Variants in MTMR1 observed in about 807,000 individuals in gnomAD.
The protein encoded by MTMR1 is myotubularin related protein 1.
A neutral mutation model predicts 51.6 loss-of-function variants in MTMR1; 17 were observed. The ratio of observed to expected loss-of-function variants is 0.33; its 90% CI spans 0.23 to 0.49. The LOEUF is 0.49. Among genes scored for constraint, MTMR1 ranks in the 20% least tolerant of loss-of-function variants. The pLI is 0.99. For synonymous variants in MTMR1, 201 were observed against 205.6 expected, an observed-to-expected ratio of 0.98 and a Z score of 0.19; for missense variants, 386 against 526.9, an observed-to-expected ratio of 0.73 and a Z score of 2.62.
intron 15 of MTMR1, among the ~76,000 whole-genome samples, chrX:150,761,945 A>C (rs1557418037): frequency 8.9e-6 from 1 of 111,972 alleles, no homozygotes; most frequent in African/African-American, 3.2e-5. Flanking sequence ...AAGCTAATTA[A>C]AGGTGAGGCC....
chrX:150,733,654 C>G (rs782687662), intron 10 of MTMR1, among the ~76,000 whole-genome samples: 1 of 111,232 alleles, frequency 9.0e-6, no homozygotes, highest in Non-Finnish European at 1.9e-5. Context: ...AATCCTGAGC[C>G]GGTTACTTAA....
chrX:150,715,320 A>G (rs1403304988), intron 3 of MTMR1, among the ~76,000 whole-genome samples: 1 of 112,331 alleles, frequency 8.9e-6, no homozygotes, highest in African/African-American at 3.2e-5. Context: ...CCTCAGGAAC[A>G]AATTCAGGGA....
chrX:150,755,490 G>A (rs1457656602), intron 14 of MTMR1, among the ~76,000 whole-genome samples, 199 bp from the exon 15 acceptor site: 1 of 111,729 alleles, frequency 9.0e-6, no homozygotes, highest in African/African-American at 3.3e-5. Context: ...TGTTTTTCCA[G>A]GACAGCAAGC....
chrX:150,716,953 T>A (rs782465935), intron 3 of MTMR1, among the ~76,000 whole-genome samples: 2 of 112,176 alleles, frequency 1.8e-5, no homozygotes, highest in African/African-American at 6.5e-5. Flanking sequence ...TGGCCTCCGA[T>A]GTTAACAGGT....
intron 7 of MTMR1, 44 bp downstream of exon 7, chrX:150,730,254 G>T: frequency 1.1e-6 from 1 of 916,161 alleles, no homozygotes; most frequent in Non-Finnish European, 1.5e-6. Context: ...ATTTGTGGGG[G>T]TCCAAATATC....
rs1251807995 is a variant in MTMR1, at chrX:150,765,043, A to ATGAT, written c.*2315_*2318dup. 14 of 110,109 alleles carry ATGAT rather than the reference A, an allele frequency of 1.3e-4. No homozygotes were observed. Among genetic ancestry groups the ATGAT allele is most frequent in the Admixed American group, 1.2e-3 (13 of 10,445 alleles). 9.1% of individuals were successfully genotyped at this position (110,109 alleles called of 1,213,427 possible). On this transcript the variant is annotated 3_prime_UTR_variant, in exon 16 of 16. Coordinates refer to ENST00000445323, the MANE Select transcript of MTMR1 (RefSeq NM_001306144.3). ...ACTGTGCGTCAAGCACAGTTAATAT[A>ATGAT]TGATGATGTAAAGTAACTAACTTTA...
intron 14 of MTMR1, among the ~76,000 whole-genome samples, chrX:150,752,422 T>A (rs1347886994): frequency 2.7e-5 from 3 of 110,953 alleles, no homozygotes; most frequent in Non-Finnish European, 5.7e-5. Flanking sequence ...CTCCCCTGCT[T>A]CCCACTGCAG....
intron 10 of MTMR1, among the ~76,000 whole-genome samples, chrX:150,734,835 G>A (rs940222160): frequency 3.6e-5 from 4 of 112,323 alleles, no homozygotes; most frequent in African/African-American, 1.3e-4. Context: ...TGCATTGGTT[G>A]ATTTTTATAT....
upstream of MTMR1, chrX:150,693,300 T>TAGCTGTCA (rs1557415615): frequency 4.5e-6 from 1 of 221,384 alleles, no homozygotes; most frequent in African/African-American, 3.0e-5. Flanking sequence ...AGGTGGGGGT[T>TAGCTGTCA]CCCGGCGCCG....
intron 2 of MTMR1, among the ~76,000 whole-genome samples, chrX:150,710,990 A>G (rs2041288197): frequency 8.9e-6 from 1 of 112,641 alleles, no homozygotes; most frequent in Non-Finnish European, 1.9e-5. Flanking sequence ...TTACTGGGGA[A>G]TGAAGCTCTG....
At chrX:150,748,151 C>G (rs782532471) in intron 13 of MTMR1, among the ~76,000 whole-genome samples, 2 of 111,294 alleles carry the variant, frequency 1.8e-5, no homozygotes, top group Non-Finnish European at 3.8e-5. Flanking sequence ...GAGCTCTACC[C>G]TCATGACCTG....
At chrX:150,705,687 A>G (rs186949984) in intron 2 of MTMR1, among the ~76,000 whole-genome samples, 1 of 111,922 alleles carries the variant, frequency 8.9e-6, no homozygotes, top group East Asian at 2.8e-4. Context: ...TAGCATACCT[A>G]TCCTAAAAGA....
At chrX:150,762,503 A>G in intron 15 of MTMR1, 62 bp from the exon 16 acceptor site, 1 of 1,189,562 alleles carries the variant, frequency 8.4e-7, no homozygotes, top group Non-Finnish European at 1.1e-6. Flanking sequence ...CAGCATCTCC[A>G]TGTGGAAACG....
intron 14 of MTMR1, among the ~76,000 whole-genome samples, chrX:150,754,919 G>A (rs1186179472): frequency 9.1e-6 from 1 of 109,303 alleles, no homozygotes; most frequent in East Asian, 2.9e-4. Flanking sequence ...CCAGCTACTC[G>A]GGAGGCTGAG....
chrX:150,744,008 T>G (rs191339677), intron 12 of MTMR1, among the ~76,000 whole-genome samples: 15 of 112,647 alleles, frequency 1.3e-4, no homozygotes, highest in African/African-American at 4.8e-4. Context: ...ATAATGTGCT[T>G]TATGAACTGC....
At chrX:150,694,774 C>T (rs1557415691) in intron 1 of MTMR1, among the ~76,000 whole-genome samples, 1 of 112,254 alleles carries the variant, frequency 8.9e-6, no homozygotes, top group Non-Finnish European at 1.9e-5. Context: ...GAGGTCTGGG[C>T]GATTCAGAGA....
At chrX:150,761,637 A>C (rs2043134912) in intron 15 of MTMR1, among the ~76,000 whole-genome samples, 1 of 112,685 alleles carries the variant, frequency 8.9e-6, no homozygotes, top group Non-Finnish European at 1.9e-5. Context: ...TGCTGTTTAC[A>C]CATGGGATCA....
chrX:150,709,580 TG>T (rs1345955475), intron 2 of MTMR1, among the ~76,000 whole-genome samples: 1 of 111,922 alleles, frequency 8.9e-6, no homozygotes, highest in Non-Finnish European at 1.9e-5. Flanking sequence ...AGAGGTTTAC[TG>T]GGCTCACAGT....
At chrX:150,726,566 T>G (rs907400934) in intron 4 of MTMR1, among the ~76,000 whole-genome samples, 2 of 112,303 alleles carry the variant, frequency 1.8e-5, no homozygotes, top group Admixed American at 1.9e-4. Flanking sequence ...TCACTTGGAC[T>G]CATATATAGC....
Sources: allele counts gnomAD v4.1 joint callset (sites outside exome capture counted in the v4.1 genomes callset), GRCh38; gene constraint gnomAD v4.1.1; transcripts MANE v1.5; gene names NCBI Gene and HGNC (gene_info 2026-07-23, HGNC 2026-07-21).